Variants in VPS13B observed in about 807,000 individuals in gnomAD.
VPS13B encodes the protein intermembrane lipid transfer protein VPS13B.
A neutral mutation model predicts 426.4 loss-of-function variants in VPS13B; 285 were observed. That is an observed-to-expected ratio of 0.67 (90% CI 0.61 to 0.74). The LOEUF (loss-of-function observed/expected upper bound fraction) is 0.74, where lower values mean the gene tolerates loss of function less well. VPS13B is among the 30% of genes least tolerant of loss of function. The pLI is 0.00. For synonymous variants in VPS13B, 1,676 were observed against 1,676.4 expected, an observed-to-expected ratio of 1.00 and a Z score of 0.01; for missense variants, 4,537 against 4,782.6, an observed-to-expected ratio of 0.95 and a Z score of 1.51.
intron 19 of VPS13B, among the ~76,000 whole-genome samples, chr8:99,318,468 G>A (rs1483790736): frequency 6.6e-6 from 1 of 152,030 alleles, no homozygotes; most frequent in South Asian, 2.1e-4. Flanking sequence ...ATGGAGTAAG[G>A]AACTTCAATA....
At chr8:99,369,812 C>T (rs1813084409) in intron 19 of VPS13B, among the ~76,000 whole-genome samples, 1 of 152,098 alleles carries the variant, frequency 6.6e-6, no homozygotes, top group African/African-American at 2.4e-5. Context: ...TCCTTTTCTT[C>T]TCCCTCCTTT....
intron 39 of VPS13B, among the ~76,000 whole-genome samples, chr8:99,722,691 T>A (rs544500010): frequency 1.3e-5 from 2 of 152,002 alleles, no homozygotes; most frequent in Non-Finnish European, 2.9e-5. Flanking sequence ...GTATTTTTAG[T>A]AGAGATGGGG....
At chr8:99,674,302 C>T (rs948688349) in intron 35 of VPS13B, among the ~76,000 whole-genome samples, 81 of 151,868 alleles carry the variant, frequency 5.3e-4, no homozygotes, top group African/African-American at 1.8e-3. Flanking sequence ...AATGTTATGC[C>T]GTCTTGCTGA....
chr8:99,251,157 T>C (rs1179792217), intron 17 of VPS13B, among the ~76,000 whole-genome samples: 1 of 152,146 alleles, frequency 6.6e-6, no homozygotes, highest in Admixed American at 6.5e-5. Context: ...CTGTATACCT[T>C]TTATCTCTCT....
chr8:99,307,679 C>T (rs903677516), intron 19 of VPS13B, among the ~76,000 whole-genome samples: 2 of 151,850 alleles, frequency 1.3e-5, no homozygotes, highest in Non-Finnish European at 1.5e-5. Context: ...TACAAGCAAC[C>T]GACCATCGAT....
intron 8 of VPS13B, among the ~76,000 whole-genome samples, chr8:99,133,313 C>G (rs1435990515): frequency 6.6e-6 from 1 of 152,158 alleles, no homozygotes; most frequent in East Asian, 1.9e-4. Context: ...GTCTATTAGC[C>G]TACATAGAAT....
intron 25 of VPS13B, among the ~76,000 whole-genome samples, chr8:99,483,632 A>G (rs1820156169): frequency 6.6e-6 from 1 of 152,204 alleles, no homozygotes. Context: ...GTTAAATCTT[A>G]GAGACATTTT....
In VPS13B at chr8:99,809,467, G is replaced by T. The variant is rs1159472711; in HGVS notation, c.8034G>T (p.Gln2678His). 20 of 1,613,910 alleles carry T rather than the reference G, an allele frequency of 1.2e-5. No individual in the cohort carries two copies. Among genetic ancestry groups the T allele is most frequent in the Non-Finnish European group, 1.7e-5 (20 of 1,179,984 alleles). The part of the protein sequence containing the change: ...DHAGTFIRTI[Q>H]YRGRTASLII... ...CCGGGACTTTTATTAGAACAATTCA[G>T]TACAGGGGTCGAACTGCTTCTCTCA... The change falls in exon 44 of 62, where the codon CAG (glutamine) becomes CAT (histidine). Residue 2678 changes from glutamine (Q) to histidine (H), a missense_variant. Physicochemically the swap from Gln to His is conservative, Grantham distance 24 (BLOSUM62 0). Coordinates refer to ENST00000357162, the MANE Select transcript of VPS13B (RefSeq NM_152564.5).
intron 2 of VPS13B, among the ~76,000 whole-genome samples, chr8:99,026,428 C>T (rs747830746): frequency 9.9e-5 from 15 of 152,052 alleles, no homozygotes; most frequent in South Asian, 2.1e-4. Context: ...GAATGTATCC[C>T]GCAGCTGTTG....
At chr8:99,212,963 T>G (rs1815182886) in intron 17 of VPS13B, among the ~76,000 whole-genome samples, 2 of 152,188 alleles carry the variant, frequency 1.3e-5, no homozygotes, top group African/African-American at 2.4e-5. Flanking sequence ...TTCTTTAGGA[T>G]TAGTCTTAGT....
chr8:99,778,729 T>A lies in VPS13B; in HGVS notation c.7477T>A (p.Ser2493Thr), dbSNP rs779401089. Residue 2493 changes from serine to threonine, a missense_variant, in exon 42 of 62, where the codon TCT becomes ACT. Transcript: ENST00000357162. ...QPFVSDRNMPSELEYMIVSFR... is the reference protein window; with the variant it reads ...QPFVSDRNMPTELEYMIVSFR... The stretch of plus-strand genomic sequence containing the variant: ...ATTTGTTTCCGACAGAAATATGCCA[T>A]CTGAACTAGAATACATGATTGTTTC... 29 of 1,613,886 alleles carry A rather than the reference T, an allele frequency of 1.8e-5. No individual in the cohort carries two copies. In the Middle Eastern group the frequency reaches 9.9e-4, roughly 55 times the overall value.
At chr8:99,048,791 G>A (rs1000748087) in intron 3 of VPS13B, among the ~76,000 whole-genome samples, 3 of 148,980 alleles carry the variant, frequency 2.0e-5, no homozygotes, top group Non-Finnish European at 3.0e-5. Context: ...CTCCAGGTTG[G>A]GTGACAGAGC....
At chr8:99,336,047 G>A (rs556953716) in intron 19 of VPS13B, among the ~76,000 whole-genome samples, 180 of 152,188 alleles carry the variant, frequency 1.2e-3, no homozygotes, top group Middle Eastern at 3.4e-3. Flanking sequence ...AAAAGAGCCC[G>A]CATCGCCAAG....
chr8:99,289,502 T>C (rs1049224755), intron 19 of VPS13B, among the ~76,000 whole-genome samples: 1 of 152,102 alleles, frequency 6.6e-6, no homozygotes, highest in Non-Finnish European at 1.5e-5. Flanking sequence ...AGTTGAGAAC[T>C]AGAAAGAACA....
intron 33 of VPS13B, among the ~76,000 whole-genome samples, chr8:99,624,373 CT>C (rs1828510463): frequency 6.6e-6 from 1 of 151,962 alleles, no homozygotes; most frequent in African/African-American, 2.4e-5. Flanking sequence ...AGCTTGTGGC[CT>C]GATGATGTTT....
At chr8:99,337,312 A>G (rs1347921994) in intron 19 of VPS13B, among the ~76,000 whole-genome samples, 3 of 141,134 alleles carry the variant, frequency 2.1e-5, no homozygotes, top group Non-Finnish European at 3.0e-5. Flanking sequence ...GAATTGAACA[A>G]TGAGAACACA....
intron 36 of VPS13B, among the ~76,000 whole-genome samples, chr8:99,709,518 G>T (rs1016842060): frequency 1.2e-4 from 19 of 152,102 alleles, no homozygotes; most frequent in Non-Finnish European, 2.8e-4. Context: ...AAGCATGATT[G>T]GTTCTGTTTA....
intron 35 of VPS13B, among the ~76,000 whole-genome samples, chr8:99,673,066 T>G (rs1830783641): frequency 6.6e-6 from 1 of 152,146 alleles, no homozygotes; most frequent in Non-Finnish European, 1.5e-5. Flanking sequence ...TCTATGTTCA[T>G]CCTGGATATT....
chr8:99,856,223 A>T lies in VPS13B; in HGVS notation c.10867+1967A>T, dbSNP rs1816538131. ...AAAAATCCTCTAAGCTGCCGTTCCA[A>T]TCTCACTGTATACCAAGATAAGGGA... On this transcript the variant is annotated intron_variant, in intron 56 of 61. Transcript: ENST00000357162. Among the ~76,000 whole-genome samples the T allele has an allele frequency of 1.3e-5, 2 of 152,372 alleles. 1 individual carries two copies. Among genetic ancestry groups the T allele is most frequent in the Middle Eastern group, 6.8e-3 (2 of 294 alleles).
Sources: allele counts gnomAD v4.1 joint callset (sites outside exome capture counted in the v4.1 genomes callset), GRCh38; gene constraint gnomAD v4.1.1; transcripts MANE v1.5; gene names NCBI Gene and HGNC (gene_info 2026-07-23, HGNC 2026-07-21).